Variants in ZNF221 observed in about 807,000 individuals in gnomAD.
ZNF221 encodes zinc finger protein 221.
A neutral mutation model predicts 12.6 loss-of-function variants in ZNF221; 10 were observed. The observed-to-expected ratio is 0.79, with a 90% CI of 0.49 to 1.34. The LOEUF (loss-of-function observed/expected upper bound fraction) is 1.34. ZNF221 is among the 40% of genes most tolerant of loss of function. The pLI, the probability that ZNF221 is intolerant of heterozygous loss-of-function variation, is 0.00. For synonymous variants in ZNF221, 232 were observed against 244.0 expected (o/e 0.95, Z 0.46); for missense variants, 661 against 721.4 (o/e 0.92, Z 0.96).
the ZNF221 span, among the ~76,000 whole-genome samples, chr19:43,979,218 A>G: frequency 2.0e-5 from 3 of 152,034 alleles, no homozygotes; most frequent in African/African-American, 7.2e-5. Context: ...TGCTCCTAAC[A>G]GGATTGTCCT....
chr19:43,960,104 G>T (rs1277370296), intron 1 of ZNF221: 1 of 152,154 alleles, frequency 6.6e-6, no homozygotes, highest in Non-Finnish European at 1.5e-5. Flanking sequence ...AGATGGAAAT[G>T]AGGAAGTTAT....
At chr19:43,956,493 C>G (rs73933625) in intron 1 of ZNF221, among the ~76,000 whole-genome samples, 16,354 of 149,448 alleles carry the variant, frequency 0.11, 1,833 homozygotes, top group East Asian at 0.26. Context: ...CCCCAACACT[C>G]CCCCCAGCCA....
chr19:43,952,112 A>G (rs1599810431), intron 1 of ZNF221, among the ~76,000 whole-genome samples: 1 of 151,372 alleles, frequency 6.6e-6, no homozygotes, highest in East Asian at 1.9e-4. Flanking sequence ...TGACCTCGTG[A>G]TCCGCCCGCC....
intron 4 of ZNF221, 100 bp downstream of exon 4, chr19:43,965,425 T>A (rs451601): frequency 9.8e-7 from 1 of 1,025,076 alleles, no homozygotes; most frequent in Non-Finnish European, 1.4e-6. Flanking sequence ...TTGCCAAACT[T>A]CTTTCATAAC....
chr19:43,960,132 G>T (rs1400475635), intron 1 of ZNF221: 1 of 152,148 alleles, frequency 6.6e-6, no homozygotes, highest in African/African-American at 2.4e-5. Flanking sequence ...TGGAGTAAAG[G>T]TCACCCATGT....
At chr19:43,979,439 AT>A in the ZNF221 span, among the ~76,000 whole-genome samples, 6 of 118,556 alleles carry the variant, frequency 5.1e-5, no homozygotes, top group African/African-American at 1.5e-4. Flanking sequence ...ATATATATAT[AT>A]ATATGGAAGG....
At position 43,965,301 on chromosome 19, in the gene ZNF221, A is replaced by G. The variant is rs750022431; in HGVS notation, c.277A>G (p.Thr93Ala). 1 of 1,613,508 alleles carries G rather than the reference A, an allele frequency of 6.2e-7. No individual in the cohort carries two copies. Among genetic ancestry groups the G allele is most frequent in the Non-Finnish European group, 8.5e-7 (1 of 1,179,776 alleles). ...GKEKFWKMKT[T>A]SQREGNSGGK... ...GGAAAAGTTTTGGAAGATGAAGACA[A>G]CAAGCCAAAGAGAAGGGAATTCAGG... Residue 93 changes from threonine to alanine, a missense_variant, in exon 4 of 5, where the codon ACA becomes GCA. By Grantham distance (58) the Thr-to-Ala change is moderately conservative. Transcript: ENST00000587682.
rs202105923 is a variant in ZNF221, at chr19:43,965,032, A to C, written c.164A>C (p.Tyr55Ser). 6.2e-7 allele frequency: 1 copy of C among 1,614,222 alleles called. No individual in the cohort carries two copies. The highest frequency in any genetic ancestry group is 8.5e-7 in the Non-Finnish European group (1 of 1,180,034). Residue 55 changes from tyrosine to serine, a missense_variant, in exon 3 of 5, where the codon TAC becomes TCC. By Grantham distance (144) the Tyr-to-Ser change is moderately radical. Transcript: ENST00000587682. The stretch of plus-strand genomic sequence containing the variant: ...CTGGACCCTGCCCAGAGGAAGCTGT[A>C]CCGAGATGTGATGCTAGAGAACTTC... ...GLLDPAQRKL[Y>S]RDVMLENFRN...
chr19:43,974,163 A>G, the ZNF221 span, among the ~76,000 whole-genome samples: 12 of 152,356 alleles, frequency 7.9e-5, 1 homozygote, highest in East Asian at 2.1e-3. Context: ...ATGATTCCCT[A>G]TATAATAAAC....
At chr19:43,960,646 G>A (rs774151329) in intron 1 of ZNF221, among the ~76,000 whole-genome samples, 19 of 152,224 alleles carry the variant, frequency 1.2e-4, no homozygotes, top group Non-Finnish European at 2.5e-4. Flanking sequence ...GCAGCCTCAA[G>A]ACATTGTGCC....
rs940625473 is a variant in ZNF221, at chr19:43,964,250, T to C, written c.82-700T>C. 7.9e-5 allele frequency among the ~76,000 whole-genome samples: 12 copies of C among 152,202 alleles called. 1 individual carries two copies. The highest frequency in any genetic ancestry group is 2.9e-4 in the African/African-American group (12 of 41,444). On this transcript the variant is annotated intron_variant, in intron 2 of 4. Coordinates refer to ENST00000587682, the MANE Select transcript of ZNF221 (RefSeq NM_001297588.2). ...TTTTCCCAATGCTATATATATTTCC[T>C]TCTTTAATCCTTGAAAAAACGATAC...
At chr19:43,956,759 T>A (rs1782630815) in intron 1 of ZNF221, among the ~76,000 whole-genome samples, 2 of 152,358 alleles carry the variant, frequency 1.3e-5, no homozygotes, top group South Asian at 4.1e-4. Context: ...TCAATATTAT[T>A]GTGTTCAGAC....
downstream of ZNF221, among the ~76,000 whole-genome samples, chr19:43,969,699 G>T (rs1975056221): frequency 6.6e-6 from 1 of 152,092 alleles, no homozygotes; most frequent in South Asian, 2.1e-4. Context: ...CACTGTGTGG[G>T]GTCTCCCTGT....
intron 2 of ZNF221, 127 bp from the exon 3 acceptor site, chr19:43,964,823 A>G (rs981304517): frequency 1.6e-6 from 2 of 1,254,520 alleles, no homozygotes; most frequent in Admixed American, 2.0e-5. Flanking sequence ...GGAAATCTGT[A>G]TGTTGACCTA....
chr19:43,953,131 A>G (rs2147329539), intron 1 of ZNF221, among the ~76,000 whole-genome samples: 1 of 151,984 alleles, frequency 6.6e-6, no homozygotes, highest in Middle Eastern at 3.4e-3. Flanking sequence ...CCCATCTTTT[A>G]GTAAAGACGA....
chr19:43,979,432 T>C, the ZNF221 span, among the ~76,000 whole-genome samples: 2 of 151,396 alleles, frequency 1.3e-5, no homozygotes, highest in African/African-American at 4.9e-5. Flanking sequence ...CATATATATA[T>C]ATATATATAT....
chr19:43,980,012 G>C, the ZNF221 span, among the ~76,000 whole-genome samples: 1 of 152,160 alleles, frequency 6.6e-6, no homozygotes, highest in African/African-American at 2.4e-5. Context: ...CCATGAATTT[G>C]TTAGTTTCGG....
chr19:43,968,461 T>C (rs1975024308), downstream of ZNF221, among the ~76,000 whole-genome samples: 1 of 152,240 alleles, frequency 6.6e-6, no homozygotes, highest in African/African-American at 2.4e-5. Flanking sequence ...GTTTGGTACA[T>C]GTAAGAGATG....
chr19:43,973,260 G>A, the ZNF221 span, among the ~76,000 whole-genome samples: 669 of 152,140 alleles, frequency 4.4e-3, 2 homozygotes, highest in Non-Finnish European at 6.7e-3. Context: ...AAAATAATAA[G>A]AGCCATAGAT....
Sources: allele counts gnomAD v4.1 joint callset (sites outside exome capture counted in the v4.1 genomes callset), GRCh38; gene constraint gnomAD v4.1.1; transcripts MANE v1.5; gene names NCBI Gene and HGNC (gene_info 2026-07-23, HGNC 2026-07-21).